TRIM9: variants seen among roughly 807,000 people sequenced by gnomAD.
TRIM9 encodes the protein E3 ubiquitin-protein ligase TRIM9.
A neutral mutation model predicts 78.3 loss-of-function variants in TRIM9; 26 were observed. That is an observed-to-expected ratio of 0.33 (90% CI 0.24 to 0.46). The LOEUF (loss-of-function observed/expected upper bound fraction) is 0.46. Among genes scored for constraint, TRIM9 ranks in the 20% least tolerant of loss-of-function variants. The pLI is 1.00. For missense variants in TRIM9, 787 were observed against 1,036.4 expected (o/e 0.76, Z 3.30); for synonymous variants, 398 against 416.5 (o/e 0.96, Z 0.54).
chr14:50,988,354 AG>A (rs541589669), intron 7 of TRIM9: 42 of 152,246 alleles, frequency 2.8e-4, no homozygotes, highest in African/African-American at 9.9e-4. Flanking sequence ...TTCTATTCTC[AG>A]CACCAAGAAG....
At chr14:50,985,844 G>C in intron 8 of TRIM9, 112 bp downstream of exon 8, 1 of 982,792 alleles carries the variant, frequency 1.0e-6, no homozygotes, top group Non-Finnish European at 1.4e-6. Flanking sequence ...CACAGACAGA[G>C]ACTAGCTCAT....
intron 1 of TRIM9, among the ~76,000 whole-genome samples, chr14:51,032,449 T>C (rs1169364389): frequency 6.6e-6 from 1 of 152,248 alleles, no homozygotes; most frequent in African/African-American, 2.4e-5. Context: ...ACTAACTGCC[T>C]TACTGAAAGC....
In TRIM9 at chr14:51,000,794, A is replaced by G. The variant is rs1412279585; in HGVS notation, c.1353T>C (p.Cys451=). ...ACGTAGCGCTGTTGTTGTGGGTACA[A>G]CATTCCTCCAGCTGTAGGATAGGGG... is the stretch of plus-strand genomic sequence containing the variant. ...PATPILQLEE[C]CTHNNSATLS... The change falls in exon 6 of 13, where the codon TGT becomes TGC. Residue 451 remains cysteine (C), a synonymous_variant. Coordinates refer to ENST00000684578, the MANE Select transcript of TRIM9 (RefSeq NM_001387360.1). The G allele has an allele frequency of 1.2e-6, 2 of 1,614,090 alleles. No individual in the cohort carries two copies. Among genetic ancestry groups the G allele is most frequent in the African/African-American group, 1.3e-5 (1 of 74,928 alleles).
At chr14:51,032,377 C>T (rs2058807624) in intron 1 of TRIM9, among the ~76,000 whole-genome samples, 1 of 152,200 alleles carries the variant, frequency 6.6e-6, no homozygotes, top group African/African-American at 2.4e-5. Context: ...CATCCTTCTC[C>T]CAGCTGCAGG....
intron 7 of TRIM9, among the ~76,000 whole-genome samples, chr14:50,987,780 TTTTA>T (rs967232082): frequency 2.2e-4 from 33 of 152,010 alleles, no homozygotes; most frequent in African/African-American, 6.0e-4. Flanking sequence ...CAATAAAATA[TTTTA>T]TTTATTTATT....
chr14:51,066,723 GA>G (rs1196000075), intron 1 of TRIM9, among the ~76,000 whole-genome samples: 2 of 152,210 alleles, frequency 1.3e-5, no homozygotes, highest in Non-Finnish European at 2.9e-5. Context: ...TTTATGGACA[GA>G]AAATGGAAAT....
chr14:51,008,133 G>T (rs1413805114), intron 5 of TRIM9, among the ~76,000 whole-genome samples: 4 of 152,202 alleles, frequency 2.6e-5, no homozygotes, highest in Admixed American at 6.5e-5. Context: ...GGGGTTTCCA[G>T]AGATTAGAGT....
rs796554880 is a variant in TRIM9 at position 51,034,695 on chromosome 14, TAGG to T, written c.823-9338_823-9336del. 4.6e-5 allele frequency among the ~76,000 whole-genome samples: 7 copies of T among 152,322 alleles called. No individual in the cohort carries two copies. In the South Asian group the frequency reaches 1.4e-3, roughly 32 times the overall value. The stretch of plus-strand genomic sequence containing the variant: ...AAGATGGAAACAAACTATTCTAAAA[TAGG>T]AGATTAATTAAATAAATTATAGAGA... On this transcript the variant is annotated intron_variant, in intron 1 of 12. Transcript: ENST00000684578.
At chr14:50,989,748 T>G (rs896016830) in intron 7 of TRIM9, among the ~76,000 whole-genome samples, 2 of 152,198 alleles carry the variant, frequency 1.3e-5, no homozygotes, top group African/African-American at 4.8e-5. Context: ...AGGACGGGAC[T>G]GTGTTCGTAA....
intron 1 of TRIM9, among the ~76,000 whole-genome samples, chr14:51,064,864 TAATA>T (rs1006085766): frequency 9.2e-5 from 14 of 152,080 alleles, no homozygotes; most frequent in African/African-American, 3.1e-4. Flanking sequence ...TTATAAATCA[TAATA>T]AATCATAAAT....
intron 1 of TRIM9, among the ~76,000 whole-genome samples, chr14:51,064,444 T>C (rs1325133303): frequency 6.6e-6 from 1 of 151,812 alleles, no homozygotes; most frequent in Non-Finnish European, 1.5e-5. Flanking sequence ...GCAGACGGAA[T>C]AAATAAGTCC....
intron 1 of TRIM9, among the ~76,000 whole-genome samples, chr14:51,070,576 T>C (rs554186809): frequency 1.3e-5 from 2 of 152,148 alleles, no homozygotes; most frequent in South Asian, 4.2e-4. Flanking sequence ...ATCTCTAATC[T>C]GAAAATCTGA....
intron 10 of TRIM9, 34 bp downstream of exon 10, chr14:50,982,908 T>C (rs1253396666): frequency 6.5e-7 from 1 of 1,539,560 alleles, no homozygotes; most frequent in Non-Finnish European, 8.8e-7. Context: ...CTTTGGTCTT[T>C]GCTATTTGGT....
At chr14:51,084,629 C>T in intron 1 of TRIM9, among the ~76,000 whole-genome samples, 1 of 152,146 alleles carries the variant, frequency 6.6e-6, no homozygotes, top group East Asian at 1.9e-4. Flanking sequence ...TCCAGTTTTA[C>T]ATTTGATTTT....
At chr14:51,067,908 C>A (rs2061888298) in intron 1 of TRIM9, among the ~76,000 whole-genome samples, 1 of 152,148 alleles carries the variant, frequency 6.6e-6, no homozygotes, top group African/African-American at 2.4e-5. Flanking sequence ...AATTAAGCCC[C>A]AAGACAGCAG....
intron 12 of TRIM9, 21 bp from the exon 13 acceptor site, chr14:50,977,374 T>G: frequency 2.7e-6 from 4 of 1,505,466 alleles, no homozygotes; most frequent in Non-Finnish European, 3.6e-6. Flanking sequence ...AGACTGTGAG[T>G]CCTGAGAGGC....
chr14:50,978,786 T>C, intron 12 of TRIM9: 1 of 584,598 alleles, frequency 1.7e-6, no homozygotes, highest in East Asian at 1.5e-4. Flanking sequence ...TTCACTGATG[T>C]ATCCCAGACA....
At chr14:50,997,719 C>T in intron 7 of TRIM9, 20 of 1,224,382 alleles carry the variant, frequency 1.6e-5, no homozygotes, top group Non-Finnish European at 2.1e-5. Context: ...GGAGCCTGCT[C>T]TAGAGCCTAG....
chr14:51,077,016 G>A (rs564257509), intron 1 of TRIM9, among the ~76,000 whole-genome samples: 12 of 152,232 alleles, frequency 7.9e-5, no homozygotes, highest in African/African-American at 2.9e-4. Flanking sequence ...TCATTTTAGC[G>A]CTTGCTATAA....
Sources: allele counts gnomAD v4.1 joint callset (sites outside exome capture counted in the v4.1 genomes callset), GRCh38; gene constraint gnomAD v4.1.1; transcripts MANE v1.5; gene names NCBI Gene and HGNC (gene_info 2026-07-23, HGNC 2026-07-21).